The following ADCY9 variants were observed in gnomAD, a reference collection of about 807,000 sequenced individuals.
The protein encoded by ADCY9 is adenylate cyclase type 9.
A neutral mutation model predicts 101.5 loss-of-function variants in ADCY9; 50 were observed. The ratio of observed to expected loss-of-function variants is 0.49; its 90% CI spans 0.39 to 0.62. The LOEUF is 0.62. Among genes scored for constraint, ADCY9 ranks in the 20% least tolerant of loss-of-function variants. The probability of loss-of-function intolerance (pLI) is 0.00; values close to 1 mark genes in which losing one functional copy is unlikely to be tolerated. For synonymous variants in ADCY9, 905 were observed against 769.3 expected, an observed-to-expected ratio of 1.18 and a Z score of -2.92; for missense variants, 1,662 against 1,800.4, an observed-to-expected ratio of 0.92 and a Z score of 1.39.
At chr16:4,024,920 C>A (rs1208085939) in intron 2 of ADCY9, among the ~76,000 whole-genome samples, 2 of 152,122 alleles carry the variant, frequency 1.3e-5, no homozygotes, top group South Asian at 4.1e-4. Flanking sequence ...ACCATGAAAT[C>A]AGAAGGGAGC....
intron 2 of ADCY9, among the ~76,000 whole-genome samples, chr16:4,024,772 T>G (rs1387181072): frequency 3.3e-5 from 5 of 152,146 alleles, no homozygotes; most frequent in Admixed American, 1.3e-4. Flanking sequence ...TCCTGGGTTC[T>G]GCCTTCAGTA....
At position 3,954,506 on chromosome 16, in the gene ADCY9, A is replaced by G. The variant is rs537084863; in HGVS notation, c.568-990T>C. 8.1e-4 allele frequency among the ~76,000 whole-genome samples: 123 copies of G among 152,272 alleles called. No individual in the cohort carries two copies. In the South Asian group the frequency reaches 0.025, roughly 31 times the overall value. ...GGCAGCTGCCTGGTGCTGAAACCAG[A>G]AGGGACCTCCGGGACTTAGTGGCAG... On this transcript the variant is annotated intron_variant, in intron 5 of 5. Coordinates refer to the ADCY9 transcript ENST00000576936.
chr16:4,110,943 G>A (rs953682903), intron 2 of ADCY9, among the ~76,000 whole-genome samples: 12 of 152,160 alleles, frequency 7.9e-5, no homozygotes, highest in East Asian at 3.9e-4. Context: ...CTCTGGAGTC[G>A]AGTCCCACCT....
chr16:4,081,722 G>A (rs2056903712), intron 2 of ADCY9, among the ~76,000 whole-genome samples: 1 of 150,208 alleles, frequency 6.7e-6, no homozygotes, highest in African/African-American at 2.4e-5. Flanking sequence ...CGCTGTGTCT[G>A]CAGGGGCGTG....
chr16:3,963,393 G>T lies in ADCY9; in HGVS notation c.*2382C>A, dbSNP rs1011693604. ...ACGGCGTTTCCGCTGCAGAGATTCT[G>T]TGGTTCTGCACTGAGGTATGCATCG... On this transcript the variant is annotated 3_prime_UTR_variant, in exon 11 of 11. Coordinates refer to ENST00000294016, the MANE Select transcript of ADCY9 (RefSeq NM_001116.4). The T allele has an allele frequency of 1.0e-5, 4 of 398,738 alleles. No individual in the cohort carries two copies. The highest frequency in any genetic ancestry group is 1.8e-5 in the Non-Finnish European group (4 of 225,958). The allele number at this position is 398,738 out of a possible 1,614,324, so 24.7% of individuals were successfully genotyped here.
chr16:4,022,362 C>T (rs1836486410), intron 2 of ADCY9, among the ~76,000 whole-genome samples: 3 of 152,010 alleles, frequency 2.0e-5, no homozygotes, highest in African/African-American at 7.2e-5. Context: ...CCTGGTGGCC[C>T]ATGCTGTAAT....
chr16:4,085,731 C>T (rs141488620), intron 2 of ADCY9, among the ~76,000 whole-genome samples: 3 of 152,166 alleles, frequency 2.0e-5, no homozygotes, highest in East Asian at 1.9e-4. Flanking sequence ...TGGGAACTTG[C>T]AGGAATGCAC....
In ADCY9 at chr16:4,090,130, G is replaced by A. The variant is rs1362670660; in HGVS notation, c.1693+23620C>T. ...GAACTCATACAAATGTGTGCCGAGC[G>A]ATACCCCTGACTTGGAGGGGACTCC... On this transcript the variant is annotated intron_variant, in intron 2 of 10. Transcript: ENST00000294016. 3.3e-5 allele frequency among the ~76,000 whole-genome samples: 5 copies of A among 152,032 alleles called. No homozygotes were observed. In the East Asian group the frequency reaches 5.8e-4, roughly 18 times the overall value.
In ADCY9 at chr16:3,965,653, A is replaced by G. The variant is rs1305231807; in HGVS notation, c.*122T>C. The G allele has an allele frequency of 1.2e-6, 1 of 840,310 alleles. No individual in the cohort carries two copies. Among genetic ancestry groups the G allele is most frequent in the African/African-American group, 1.7e-5 (1 of 58,602 alleles). The allele number at this position is 840,310 out of a possible 1,614,324, so 52.1% of individuals were successfully genotyped here. A position where few individuals can be genotyped will look rare whatever the true frequency, so the allele number is the denominator to read the frequency against. Reference sequence around the variant, plus strand: ...TGATCCACACAGAAGTTAGGGCTGAAATGACCACATAACACCACGTCCGGG... The same window carrying G: ...TGATCCACACAGAAGTTAGGGCTGAGATGACCACATAACACCACGTCCGGG... On this transcript the variant is annotated 3_prime_UTR_variant, in exon 11 of 11. Coordinates refer to ENST00000294016, the MANE Select transcript of ADCY9 (RefSeq NM_001116.4).
intron 2 of ADCY9, among the ~76,000 whole-genome samples, chr16:4,084,920 C>A (rs375355671): frequency 6.6e-6 from 1 of 152,138 alleles, no homozygotes; most frequent in Non-Finnish European, 1.5e-5. Context: ...CTTCAACTCC[C>A]GGCCTTCTAA....
intron 2 of ADCY9, among the ~76,000 whole-genome samples, chr16:4,066,474 C>T (rs2056801815): frequency 1.3e-5 from 2 of 152,094 alleles, no homozygotes; most frequent in Admixed American, 1.3e-4. Context: ...GCAGGCTCCA[C>T]CTCTCAGGTT....
chr16:4,113,222 T>A (rs761660916), intron 2 of ADCY9, among the ~76,000 whole-genome samples: 80 of 151,398 alleles, frequency 5.3e-4, no homozygotes, highest in Non-Finnish European at 8.5e-4. Context: ...CAGAGGTAAG[T>A]AACTCCGTCT....
chr16:3,968,089 G>C (rs1242196175), intron 10 of ADCY9, among the ~76,000 whole-genome samples: 3 of 152,140 alleles, frequency 2.0e-5, no homozygotes, highest in Non-Finnish European at 2.9e-5. Flanking sequence ...ATTTCCCTAT[G>C]TAACTACAAT....
chr16:4,049,109 C>T (rs769427998), intron 2 of ADCY9, among the ~76,000 whole-genome samples: 12 of 152,198 alleles, frequency 7.9e-5, no homozygotes, highest in Non-Finnish European at 1.2e-4. Context: ...AGGGCTCACC[C>T]GGAAGGCATT....
intron 2 of ADCY9, among the ~76,000 whole-genome samples, chr16:4,084,813 C>T (rs113226442): frequency 2.0e-5 from 3 of 152,022 alleles, no homozygotes; most frequent in African/African-American, 4.8e-5. Context: ...CAAACTGAGC[C>T]GCCTGCTAGT....
intron 2 of ADCY9, among the ~76,000 whole-genome samples, chr16:4,057,043 C>CA (rs1567132059): frequency 7.1e-6 from 1 of 140,988 alleles, no homozygotes; most frequent in Non-Finnish European, 1.5e-5. Flanking sequence ...AAACCGCCCC[C>CA]CCCCCCCCCG....
In ADCY9 at chr16:3,978,527, A is replaced by C. The variant is rs118058506; in HGVS notation, c.2679+589T>G. ...ACAGACGCTTCTTTGTAAAATGTGAAGGAAAATAACTGATTTGGAACTTGA... is the reference window on the plus strand; with the variant it reads ...ACAGACGCTTCTTTGTAAAATGTGACGGAAAATAACTGATTTGGAACTTGA... On this transcript the variant is annotated intron_variant, in intron 8 of 10. Transcript: ENST00000294016. Among the ~76,000 whole-genome samples the C allele has an allele frequency of 7.9e-3, 1,209 of 152,260 alleles. 17 individuals are homozygous for C. Among genetic ancestry groups the C allele is most frequent in the Middle Eastern group, 0.027 (8 of 294 alleles).
chr16:4,053,134 G>A (rs956798207), intron 2 of ADCY9, among the ~76,000 whole-genome samples: 1 of 150,390 alleles, frequency 6.6e-6, no homozygotes, highest in Middle Eastern at 3.2e-3. Flanking sequence ...TGGGACGAAC[G>A]TGATTATTCA....
intron 3 of ADCY9, among the ~76,000 whole-genome samples, chr16:4,005,099 C>T (rs936861890): frequency 1.3e-5 from 2 of 152,104 alleles, no homozygotes; most frequent in Non-Finnish European, 2.9e-5. Flanking sequence ...GTATATACCG[C>T]GTCCTCCTCT....
Sources: allele counts gnomAD v4.1 joint callset (sites outside exome capture counted in the v4.1 genomes callset), GRCh38; gene constraint gnomAD v4.1.1; transcripts MANE v1.5; gene names NCBI Gene and HGNC (gene_info 2026-07-23, HGNC 2026-07-21).